MYOF: variants seen among roughly 807,000 people sequenced by gnomAD.
MYOF encodes the protein fer-1-like 3, myoferlin.
MYOF carries 244 observed loss-of-function variants against 284.2 expected under a neutral mutation model. The ratio of observed to expected loss-of-function variants is 0.86; its 90% CI spans 0.77 to 0.95. The LOEUF is 0.95. Among genes scored for constraint, MYOF ranks in the 40% least tolerant of loss-of-function variants. The pLI is 0.00. For synonymous variants in MYOF, 904 were observed against 919.7 expected, an observed-to-expected ratio of 0.98 and a Z score of 0.31; for missense variants, 2,496 against 2,560.6, an observed-to-expected ratio of 0.97 and a Z score of 0.54.
chr10:93,425,000 A>G lies in MYOF; in HGVS notation c.433+1071T>C, dbSNP rs1306214034. Among the ~76,000 whole-genome samples, 4 of 125,494 alleles carry G rather than the reference A, an allele frequency of 3.2e-5. No individual in the cohort carries two copies. The South Asian group carries it at 8.2e-4, about 26-fold the overall frequency. The allele number at this position is 125,494 out of a possible 152,430, so 82.3% of individuals were successfully genotyped here. On this transcript the variant is annotated intron_variant, in intron 5 of 53. Transcript: ENST00000359263. ...GTTGCCCAGGCTGGAGTGCAGTGGCACAATCTCGGCTCACTGAAACCTCCT... is the reference window on the plus strand; with the variant it reads ...GTTGCCCAGGCTGGAGTGCAGTGGCGCAATCTCGGCTCACTGAAACCTCCT...
intron 25 of MYOF, among the ~76,000 whole-genome samples, chr10:93,367,420 A>C (rs1360127343): frequency 1.3e-5 from 2 of 152,130 alleles, no homozygotes; most frequent in East Asian, 3.8e-4. Flanking sequence ...AGAAAGGAGG[A>C]GATTTGAGTG....
rs1842335821 is a variant in MYOF at position 93,310,549 on chromosome 10, T to C, written c.5984A>G (p.Lys1995Arg). 1.9e-6 allele frequency: 3 copies of C among 1,614,174 alleles called. No individual in the cohort carries two copies. Among genetic ancestry groups the C allele is most frequent in the Non-Finnish European group, 2.5e-6 (3 of 1,180,028 alleles). Residue 1995 changes from lysine (K) to arginine (R), a missense_variant, in exon 52 of 54, where the codon AAG becomes AGG. This residue lies in a region of MYOF where 2,436 missense variants were observed against 2,480.7 expected (regional missense o/e 0.98). Transcript: ENST00000359263. ...GGCCTCTCACTTTGGTAAGTCCAGC[T>C]TGGGGTTCATGTTGGGTTCGTCCCG... is the stretch of plus-strand genomic sequence containing the variant. ...KGRDEPNMNP[K>R]LDLPNRPETS...
chr10:93,413,914 G>T (rs1354085737), intron 5 of MYOF, among the ~76,000 whole-genome samples: 3 of 152,198 alleles, frequency 2.0e-5, no homozygotes, highest in African/African-American at 7.2e-5. Flanking sequence ...GACCATCTGA[G>T]CCCAGGAGGT....
In MYOF at chr10:93,306,901, G is replaced by T; in HGVS notation, c.*62C>A. ...CAGACACAAAATCACACTGGATGTTGGTCTACAGAGGCAGGATTCTCTCAT... is the reference window on the plus strand; with the variant it reads ...CAGACACAAAATCACACTGGATGTTTGTCTACAGAGGCAGGATTCTCTCAT... On this transcript the variant is annotated 3_prime_UTR_variant, in exon 54 of 54. Transcript: ENST00000359263. The T allele has an allele frequency of 1.3e-6, 2 of 1,519,818 alleles. No homozygotes were observed. Among genetic ancestry groups the T allele is most frequent in the South Asian group, 1.1e-5 (1 of 88,710 alleles). The allele number at this position is 1,519,818 out of a possible 1,614,324, so 94.1% of individuals were successfully genotyped here. A position where few individuals can be genotyped will look rare whatever the true frequency, so the allele number is the denominator to read the frequency against.
chr10:93,426,099 C>G lies in MYOF; in HGVS notation c.405G>C (p.Leu135=), dbSNP rs1848579514. The part of the protein sequence containing the change: ...DPPSAPHPND[L]SGPSVPGMGG... ...CCATGCCTGGCACGCTGGGCCCGCT[C>G]AGGTCATTTGGATGTGGAGCAGAAG... The change falls in exon 5 of 54, where the codon CTG becomes CTC. Residue 135 remains leucine, a synonymous_variant. Transcript: ENST00000359263. The G allele has an allele frequency of 6.4e-7, 1 of 1,559,996 alleles. No individual in the cohort carries two copies. The highest frequency in any genetic ancestry group is 8.7e-7 in the Non-Finnish European group (1 of 1,151,210).
At chr10:93,335,352 C>G (rs1843546665) in intron 41 of MYOF, among the ~76,000 whole-genome samples, 1 of 152,078 alleles carries the variant, frequency 6.6e-6, no homozygotes, top group South Asian at 2.1e-4. Flanking sequence ...ACTGGCTCTG[C>G]CTTTGAAAGG....
chr10:93,428,356 A>G (rs1848688632), intron 4 of MYOF, among the ~76,000 whole-genome samples: 1 of 122,696 alleles, frequency 8.2e-6, no homozygotes, highest in Admixed American at 9.3e-5. Flanking sequence ...ACGTGCCACC[A>G]TGCCCAGCTA....
intron 3 of MYOF, among the ~76,000 whole-genome samples, chr10:93,440,915 C>T (rs901072539): frequency 2.0e-5 from 3 of 152,188 alleles, no homozygotes; most frequent in Non-Finnish European, 4.4e-5. Flanking sequence ...ACTTAATCTG[C>T]CTTCCAAAAA....
intron 45 of MYOF, among the ~76,000 whole-genome samples, chr10:93,327,437 G>T (rs1433530683): frequency 6.6e-6 from 1 of 152,110 alleles, no homozygotes; most frequent in Non-Finnish European, 1.5e-5. Context: ...CAAGCTCATG[G>T]CCAGCCTCGG....
At position 93,452,043 on chromosome 10, in the gene MYOF, A is replaced by C; in HGVS notation, c.236+7T>G. 1.3e-6 allele frequency: 2 copies of C among 1,592,124 alleles called. No individual in the cohort carries two copies. The highest frequency in any genetic ancestry group is 4.5e-5 in the East Asian group (2 of 44,778). ...TAAAATGAGAAAAACAGGTGAAAAC[A>C]ACTTACTTATTTTGTCCAATTGTCT... is the stretch of plus-strand genomic sequence containing the variant. On this transcript the variant is annotated splice_region_variant and intron_variant, in intron 3 of 53. Coordinates refer to ENST00000359263, the MANE Select transcript of MYOF (RefSeq NM_013451.4).
intron 1 of MYOF, among the ~76,000 whole-genome samples, chr10:93,474,545 G>A (rs1105341): frequency 0.78 from 118,190 of 152,042 alleles, 46,387 homozygotes; most frequent in South Asian, 0.85. Context: ...CGGTCACCTA[G>A]GCCTGAAAAT....
At chr10:93,392,045 C>CAAAT (rs140396138) in intron 17 of MYOF, among the ~76,000 whole-genome samples, 5,261 of 152,188 alleles carry the variant, frequency 0.035, 311 homozygotes, top group African/African-American at 0.12. Context: ...ATTGGTTAAA[C>CAAAT]AAATAAAGGA....
chr10:93,408,723 T>G, intron 7 of MYOF, 64 bp downstream of exon 7: 2 of 1,602,850 alleles, frequency 1.2e-6, no homozygotes, highest in Non-Finnish European at 1.7e-6. Flanking sequence ...CCAGTGAAGC[T>G]GCTCCCGTGT....
chr10:93,431,644 T>C (rs1225342172), intron 3 of MYOF, 128 bp from the exon 4 acceptor site: 1 of 658,302 alleles, frequency 1.5e-6, no homozygotes, highest in Non-Finnish European at 2.6e-6. Flanking sequence ...ATGTGGGCCA[T>C]TTTGCTATTA....
intron 48 of MYOF, among the ~76,000 whole-genome samples, chr10:93,321,810 T>G (rs149879989): frequency 0.015 from 2,232 of 152,362 alleles, 31 homozygotes; most frequent in Middle Eastern, 0.1. Context: ...TGTATATGTA[T>G]AGCTTGGTAT....
At chr10:93,424,860 G>A (rs112617698) in intron 5 of MYOF, among the ~76,000 whole-genome samples, 3,756 of 148,822 alleles carry the variant, frequency 0.025, 143 homozygotes, top group African/African-American at 0.086. Context: ...AGAGAAGCAA[G>A]AAGAAGATGA....
At chr10:93,479,756 C>T (rs2057348453) in intron 1 of MYOF, among the ~76,000 whole-genome samples, 2 of 152,138 alleles carry the variant, frequency 1.3e-5, no homozygotes, top group African/African-American at 4.8e-5. Context: ...AGTGCCCTTT[C>T]CTCTGTCAGG....
intron 40 of MYOF, 82 bp from the exon 41 acceptor site, chr10:93,336,128 G>T: frequency 6.7e-7 from 1 of 1,501,530 alleles, no homozygotes. Flanking sequence ...GTATCAAGTG[G>T]GCCTGAGGTT....
chr10:93,355,571 C>T, intron 31 of MYOF, 57 bp downstream of exon 31: 1 of 1,392,814 alleles, frequency 7.2e-7, no homozygotes, highest in Non-Finnish European at 9.9e-7. Context: ...TAGGGCCAGA[C>T]TCAGTCTTGA....
Sources: allele counts gnomAD v4.1 joint callset (sites outside exome capture counted in the v4.1 genomes callset), GRCh38; gene constraint gnomAD v4.1.1; regional missense constraint gnomAD v4.1.1; transcripts MANE v1.5; gene names NCBI Gene and HGNC (gene_info 2026-07-23, HGNC 2026-07-21).